PRKAG3: variants seen among roughly 807,000 people sequenced by gnomAD.
PRKAG3 encodes 5'-AMP-activated protein kinase subunit gamma-3.
Under a neutral mutation model 56.5 loss-of-function variants are expected in PRKAG3, and 39 were observed. The observed-to-expected ratio is 0.69, with a 90% CI of 0.53 to 0.90. The LOEUF is 0.90. Ranked by LOEUF, PRKAG3 falls within the 40% of genes least tolerant of loss-of-function variation. PRKAG3 has a pLI of 0.00. For synonymous variants in PRKAG3, 243 were observed against 250.1 expected (o/e 0.97, Z 0.27); for missense variants, 628 against 627.5 (o/e 1.00, Z -0.01).
At chr2:218,826,555 G>A (rs958994405) in intron 10 of PRKAG3, 13 of 322,628 alleles carry the variant, frequency 4.0e-5, no homozygotes, top group African/African-American at 2.6e-4. Flanking sequence ...CGACCTTCTC[G>A]CTCTGGCCTC....
intron 4 of PRKAG3, among the ~76,000 whole-genome samples, chr2:218,828,856 C>T (rs554028127): frequency 4.6e-5 from 7 of 152,330 alleles, no homozygotes; most frequent in Non-Finnish European, 5.9e-5. Flanking sequence ...AGCCCCTCAC[C>T]TGGCACACCA....
chr2:218,824,657 C>T, intron 10 of PRKAG3, 81 bp from the exon 11 acceptor site: 3 of 1,298,564 alleles, frequency 2.3e-6, no homozygotes, highest in East Asian at 2.3e-5. Flanking sequence ...GTGTAGAGGG[C>T]CTAGGGCTAT....
rs769428233 is a variant in PRKAG3 at position 218,827,613 on chromosome 2, G to T, written c.837C>A (p.Gly279=). 1 of 1,614,080 alleles carries T rather than the reference G, an allele frequency of 6.2e-7. No homozygotes were observed. Among genetic ancestry groups the T allele is most frequent in the Non-Finnish European group, 8.5e-7 (1 of 1,179,982 alleles). Residue 279 remains glycine (G), a synonymous_variant, in exon 8 of 13, where the codon GGC becomes GGA. Coordinates refer to ENST00000529249, the Ensembl canonical transcript of PRKAG3. The surrounding 1 kb of genome is among the most constrained non-coding windows in gnomAD (Gnocchi z 5.3). ...AGATGGAGACCAGAGGCTTGAAGCA[G>T]CCTTGCAGGTAGATCTCTGCAGAAA... is the stretch of plus-strand genomic sequence containing the variant.
intron 3 of PRKAG3, 27 bp from the exon 4 acceptor site, chr2:218,830,408 C>G (rs1944003586): frequency 6.3e-7 from 1 of 1,594,708 alleles, no homozygotes; most frequent in African/African-American, 1.3e-5. Flanking sequence ...GGGAAGAGGA[C>G]AGTAACTCCA....
At position 218,823,854 on chromosome 2, in the gene PRKAG3, C is replaced by G. The variant is rs139282037; in HGVS notation, c.1378G>C (p.Glu460Gln). 1.9e-6 allele frequency: 3 copies of G among 1,613,940 alleles called. No homozygotes were observed. In the Admixed American group the frequency reaches 5.0e-5, roughly 27 times the overall value. The change falls in exon 13 of 13, where the codon GAG becomes CAG. Residue 460 changes from glutamate to glutamine, a missense_variant. Coordinates refer to ENST00000529249, the Ensembl canonical transcript of PRKAG3. ...ACCACGCCCAAGAGATGCTGGGTCT[C>G]GTCCACTAGCACCAGCCTGTGTACC...
At chr2:218,831,135 G>T (rs1338793257) in intron 2 of PRKAG3, among the ~76,000 whole-genome samples, 4 of 152,184 alleles carry the variant, frequency 2.6e-5, no homozygotes, top group Non-Finnish European at 5.9e-5. Context: ...CACACAGCAA[G>T]TAAGTGGGAA....
chr2:218,830,525 GC>G, intron 3 of PRKAG3, 144 bp from the exon 4 acceptor site: 2 of 1,216,652 alleles, frequency 1.6e-6, no homozygotes. Context: ...CCTGAGAGTC[GC>G]CCCAGGTAGT....
exon 4 of PRKAG3, chr2:218,830,306 G>A: frequency 1.2e-6 from 2 of 1,613,190 alleles, no homozygotes; most frequent in South Asian, 2.2e-5. Context: ...GGCAGGATCA[G>A]CTTGAGCCAA....
Position 218,827,235 on chromosome 2 carries a change from G to C in PRKAG3, c.1002+12C>G, listed in dbSNP as rs1172332951. On this transcript the variant is annotated intron_variant, in intron 9 of 12. Coordinates refer to ENST00000529249, the Ensembl canonical transcript of PRKAG3. This position sits in a 1 kb window ranked among gnomAD's most constrained non-coding sequence, Gnocchi z 5.3. ...AGGTCTCCCCCTTCCTCCCACCTGGGCCCAGGCTTACAAAGATGTGCAGGA... is the reference window on the plus strand; with the variant it reads ...AGGTCTCCCCCTTCCTCCCACCTGGCCCCAGGCTTACAAAGATGTGCAGGA... 2.2e-5 allele frequency: 36 copies of C among 1,614,030 alleles called. No individual in the cohort carries two copies. The highest frequency in any genetic ancestry group is 2.8e-5 in the Non-Finnish European group (33 of 1,180,032).
chr2:218,824,919 G>A (rs1559396836), intron 10 of PRKAG3, among the ~76,000 whole-genome samples: 1 of 152,160 alleles, frequency 6.6e-6, no homozygotes, highest in Admixed American at 6.5e-5. Flanking sequence ...TGGATGTGGG[G>A]TATCCTATAG....
At chr2:218,831,605 G>T in intron 1 of PRKAG3, 133 bp downstream of exon 1, 1 of 1,224,682 alleles carries the variant, frequency 8.2e-7, no homozygotes, top group Non-Finnish European at 1.2e-6. Flanking sequence ...ACATGCACAT[G>T]CCCATATTCA....
chr2:218,826,848 C>A (rs1943939363), intron 10 of PRKAG3, 80 bp downstream of exon 10: 6 of 1,565,116 alleles, frequency 3.8e-6, no homozygotes, highest in Non-Finnish European at 5.3e-6. Flanking sequence ...GCATGAGAAA[C>A]CCTGCCCTTC....
intron 4 of PRKAG3, among the ~76,000 whole-genome samples, chr2:218,828,811 C>T (rs1215101275): frequency 1.3e-5 from 2 of 152,160 alleles, no homozygotes; most frequent in African/African-American, 4.8e-5. Flanking sequence ...TTGCTGGGGA[C>T]ATGTACATAG....
rs1010674101 is a variant in PRKAG3, at chr2:218,827,187, T to C, written c.1002+60A>G. 1 of 1,613,458 alleles carries C rather than the reference T, an allele frequency of 6.2e-7. No homozygotes were observed. The highest frequency in any genetic ancestry group is 1.3e-5 in the African/African-American group (1 of 74,910). On this transcript the variant is annotated intron_variant, in intron 9 of 12. Coordinates refer to ENST00000529249, the Ensembl canonical transcript of PRKAG3. The surrounding 1 kb of genome is among the most constrained non-coding windows in gnomAD (Gnocchi z 5.3). ...CACGACTGCTAGGGCTGAAGACTCC[T>C]CAGGCCCTCTGATCACCTGCCCAGG...
At chr2:218,830,379 G>A (rs753619960) in exon 4 of PRKAG3, 3 of 1,606,766 alleles carry the variant, frequency 1.9e-6, no homozygotes, top group Admixed American at 1.7e-5. Flanking sequence ...CTGGACCGGG[G>A]ACCTGTTTGG....
intron 3 of PRKAG3, 79 bp downstream of exon 3, chr2:218,830,667 G>T: frequency 6.6e-7 from 1 of 1,517,330 alleles, no homozygotes; most frequent in South Asian, 1.2e-5. Context: ...AGGGACCTGA[G>T]GTAGAGACCA....
rs779450623 is a variant in PRKAG3 at position 218,827,073 on chromosome 2, G to A, written c.1023C>T (p.Pro341=). ...CTTGGATAGTGCGGTAGAGGAAGGA[G>A]GGCCGGGGCAGCAGGGAACCCTGGT... Residue 341 remains proline, a synonymous_variant, in exon 10 of 13, where the codon CCC becomes CCT. Coordinates refer to ENST00000529249, the Ensembl canonical transcript of PRKAG3. The surrounding 1 kb of genome is among the most constrained non-coding windows in gnomAD (Gnocchi z 5.3). 53 of 1,613,398 alleles carry A rather than the reference G, an allele frequency of 3.3e-5. No homozygotes were observed. In the South Asian group the frequency reaches 5.5e-4, roughly 17 times the overall value.
intron 5 of PRKAG3, 149 bp downstream of exon 5, chr2:218,828,370 C>T: frequency 1.2e-6 from 1 of 861,798 alleles, no homozygotes; most frequent in Non-Finnish European, 1.8e-6. Context: ...GCCATGCAGA[C>T]TCCGGATGGA....
At chr2:218,826,620 T>C (rs1320054677) in intron 10 of PRKAG3, 2 of 385,484 alleles carry the variant, frequency 5.2e-6, no homozygotes, top group Non-Finnish European at 5.0e-6. Context: ...CATTTTAAGA[T>C]GAACTGAAAC....
Sources: gnomAD v4.1 joint callset for allele counts (sites outside exome capture counted in the v4.1 genomes callset) on GRCh38, gnomAD v4.1.1 for gene constraint, Gnocchi (gnomAD v3.1) non-coding constraint, MANE v1.5 for transcripts, NCBI Gene and HGNC (gene_info 2026-07-23, HGNC 2026-07-21) for gene names.